Variants in CAPN14 observed in about 807,000 individuals in gnomAD.
CAPN14 encodes the protein calpain-14.
A neutral mutation model predicts 101.3 loss-of-function variants in CAPN14; 94 were observed. The ratio of observed to expected loss-of-function variants is 0.93; its 90% CI spans 0.79 to 1.10. The LOEUF is 1.10. CAPN14 is among the 50% of genes least tolerant of loss of function. The probability of loss-of-function intolerance (pLI) is 0.00; values close to 1 mark genes in which losing one functional copy is unlikely to be tolerated. For missense variants in CAPN14, 837 were observed against 828.4 expected, an observed-to-expected ratio of 1.01 and a Z score of -0.13; for synonymous variants, 338 against 317.9, an observed-to-expected ratio of 1.06 and a Z score of -0.67.
At chr2:31,189,126 G>A in intron 13 of CAPN14, 147 bp downstream of exon 13, 2 of 691,244 alleles carry the variant, frequency 2.9e-6, no homozygotes, top group Non-Finnish European at 5.1e-6. Context: ...TGTTCTCCAT[G>A]CAGAAAGTCA....
chr2:31,231,017 T>C (rs1302627788), intron 1 of CAPN14, among the ~76,000 whole-genome samples: 2 of 152,236 alleles, frequency 1.3e-5, no homozygotes, highest in Non-Finnish European at 2.9e-5. Context: ...TATTAACCAC[T>C]GTAACTCCAT....
rs541905504 is a variant in CAPN14 at position 31,177,049 on chromosome 2, A to T, written c.1949T>A (p.Met650Lys). 6.4e-7 allele frequency: 1 copy of T among 1,551,464 alleles called. No individual in the cohort carries two copies. Among genetic ancestry groups the T allele is most frequent in the South Asian group, 1.2e-5 (1 of 84,026 alleles). ...QMDFVSFIHL[M>K]LRVENMEDVF... ...ACCCTCCATGTTCTCTACACGCAGC[A>T]TCAAGTGGATGAAACTGACAAAGTC... is the stretch of plus-strand genomic sequence containing the variant. Residue 650 changes from methionine to lysine, a missense_variant, in exon 20 of 22, where the codon ATG (methionine) becomes AAG (lysine). Coordinates refer to ENST00000403897, the MANE Select transcript of CAPN14 (RefSeq NM_001145122.2).
intron 1 of CAPN14, 66 bp from the exon 2 acceptor site, chr2:31,205,565 C>A: frequency 3.7e-6 from 3 of 814,724 alleles, no homozygotes; most frequent in South Asian, 1.6e-5. Flanking sequence ...GCCACAGAGA[C>A]GAGGGGAAGG....
intron 17 of CAPN14, among the ~76,000 whole-genome samples, chr2:31,179,504 T>G (rs143457388): frequency 6.6e-6 from 1 of 152,204 alleles, no homozygotes; most frequent in Non-Finnish European, 1.5e-5. Flanking sequence ...AAGCCTTTGC[T>G]ATTGTGAATA....
intron 6 of CAPN14, 60 bp from the exon 7 acceptor site, chr2:31,199,592 C>CG: frequency 7.2e-7 from 1 of 1,391,432 alleles, no homozygotes; most frequent in Non-Finnish European, 9.9e-7. Flanking sequence ...TTCTTTGAGT[C>CG]GTGGGAAGGC....
intron 1 of CAPN14, among the ~76,000 whole-genome samples, chr2:31,216,088 A>G (rs2148702857): frequency 6.6e-6 from 1 of 152,342 alleles, no homozygotes; most frequent in South Asian, 2.1e-4. Flanking sequence ...ATACAATGAA[A>G]TACTTCACAG....
At chr2:31,188,118 G>T (rs1482302387) in intron 14 of CAPN14, among the ~76,000 whole-genome samples, 200 bp downstream of exon 14, 1 of 152,180 alleles carries the variant, frequency 6.6e-6, no homozygotes, top group Admixed American at 6.5e-5. Flanking sequence ...CTGATCAGAA[G>T]GGTAGTTCTC....
intron 1 of CAPN14, among the ~76,000 whole-genome samples, chr2:31,213,702 A>T (rs1682509224): frequency 6.6e-6 from 1 of 152,232 alleles, no homozygotes; most frequent in South Asian, 2.1e-4. Flanking sequence ...TTACAGTTAC[A>T]ATCATGTCTC....
chr2:31,201,640 C>A (rs557158710), intron 5 of CAPN14, among the ~76,000 whole-genome samples: 13 of 152,324 alleles, frequency 8.5e-5, no homozygotes, highest in Admixed American at 5.2e-4. Context: ...GAGCTCCTAT[C>A]CCCCTTAATT....
In CAPN14 at chr2:31,205,181, AC is replaced by A. The variant is rs749124833; in HGVS notation, c.225+41del. 1.9e-4 allele frequency: 283 copies of A among 1,521,500 alleles called. No individual in the cohort carries two copies. In the African/African-American group the frequency reaches 3.5e-3, roughly 19 times the overall value. 94.2% of individuals were successfully genotyped at this position (1,521,500 alleles called of 1,614,324 possible). A position where few individuals can be genotyped will look rare whatever the true frequency, so the allele number is the denominator to read the frequency against. On this transcript the variant is annotated intron_variant, in intron 2 of 21. Coordinates refer to ENST00000403897, the MANE Select transcript of CAPN14 (RefSeq NM_001145122.2). ...TAGGCGCAGTATCTGAAAGCCCTAA[AC>A]CCTGGGGAAGGAGGGTCTGGGCTGA...
At chr2:31,177,936 C>T in intron 18 of CAPN14, 115 bp from the exon 19 acceptor site, 1 of 731,180 alleles carries the variant, frequency 1.4e-6, no homozygotes, top group Non-Finnish European at 2.5e-6. Flanking sequence ...TCTGAGGCTC[C>T]ACATGCAGGG....
In CAPN14 at chr2:31,191,707, C is replaced by T. The variant is rs144749774; in HGVS notation, c.1278+228G>A. 1.7e-4 allele frequency among the ~76,000 whole-genome samples: 26 copies of T among 152,336 alleles called. No individual in the cohort carries two copies. In the East Asian group the frequency reaches 4.4e-3, roughly 26 times the overall value. ...CAATAACAAGCACTACCACATAATCCTCTTTTATTCTACCCTTTGCCTAAA... is the reference window on the plus strand; with the variant it reads ...CAATAACAAGCACTACCACATAATCTTCTTTTATTCTACCCTTTGCCTAAA... On this transcript the variant is annotated intron_variant, in intron 11 of 21. Coordinates refer to ENST00000403897, the MANE Select transcript of CAPN14 (RefSeq NM_001145122.2).
At chr2:31,183,388 A>T (rs142746616) in intron 16 of CAPN14, among the ~76,000 whole-genome samples, 4 of 151,918 alleles carry the variant, frequency 2.6e-5, no homozygotes, top group South Asian at 2.1e-4. Flanking sequence ...CTGCCATCAG[A>T]GTGAACAGGC....
intron 1 of CAPN14, among the ~76,000 whole-genome samples, chr2:31,212,480 T>A (rs376480214): frequency 6.6e-6 from 1 of 152,150 alleles, no homozygotes; most frequent in Admixed American, 6.5e-5. Flanking sequence ...CTGCCTTGAT[T>A]TGGAAAAATA....
intron 1 of CAPN14, among the ~76,000 whole-genome samples, chr2:31,210,017 A>T (rs1308736105): frequency 6.6e-6 from 1 of 152,236 alleles, no homozygotes. Flanking sequence ...CAGAGTCCAT[A>T]GCCACAGGTG....
chr2:31,201,818 A>G, intron 5 of CAPN14, 44 bp downstream of exon 5: 1 of 1,543,980 alleles, frequency 6.5e-7, no homozygotes, highest in South Asian at 1.2e-5. Context: ...TGAGAGAGAG[A>G]AAAAGAAGCG....
In CAPN14 at chr2:31,199,530, C is replaced by T; in HGVS notation, c.729G>A (p.Glu243=). 6.5e-7 allele frequency: 1 copy of T among 1,547,040 alleles called. No homozygotes were observed. Among genetic ancestry groups the T allele is most frequent in the Non-Finnish European group, 8.7e-7 (1 of 1,145,766 alleles). The part of the protein sequence containing the change: ...TLIGCQTHSG[E]KILENGLVEG... ...CCACCAGCCCATTCTCCAGAATCTTCTCCTGCAGAGACAAGAGAGGTCCTG... is the reference window on the plus strand; with the variant it reads ...CCACCAGCCCATTCTCCAGAATCTTTTCCTGCAGAGACAAGAGAGGTCCTG... Residue 243 remains glutamate (E), a splice_region_variant and synonymous_variant, in exon 7 of 22, where the codon GAG becomes GAA. Transcript: ENST00000403897.
At chr2:31,176,008 C>A (rs1680269736) in intron 21 of CAPN14, among the ~76,000 whole-genome samples, 1 of 152,216 alleles carries the variant, frequency 6.6e-6, no homozygotes, top group South Asian at 2.1e-4. Flanking sequence ...TCAACACATC[C>A]TGCTGTGTCT....
In CAPN14 at chr2:31,229,093, C is replaced by A. The variant is rs184778037; in HGVS notation, c.-176-2442G>T. The stretch of plus-strand genomic sequence containing the variant: ...AAAGTCCAAAAACACTAAACTTCAA[C>A]AATATGTTCTTTTGGCTTGCATTTG... On this transcript the variant is annotated intron_variant and NMD_transcript_variant, in intron 1 of 21. Coordinates refer to the CAPN14 transcript ENST00000398824. Among the ~76,000 whole-genome samples the A allele has an allele frequency of 5.3e-5, 8 of 152,260 alleles. No homozygotes were observed. In the East Asian group the frequency reaches 1.5e-3, roughly 29 times the overall value.
Sources: gnomAD v4.1 joint callset for allele counts (sites outside exome capture counted in the v4.1 genomes callset) on GRCh38, gnomAD v4.1.1 for gene constraint, MANE v1.5 for transcripts, NCBI Gene and HGNC (gene_info 2026-07-23, HGNC 2026-07-21) for gene names.